Variants in ANKRD55 observed in about 807,000 individuals in gnomAD.
The protein encoded by ANKRD55 is ankyrin repeat domain-containing protein 55.
A neutral mutation model predicts 60.6 loss-of-function variants in ANKRD55; 41 were observed. The observed-to-expected ratio is 0.68, with a 90% CI of 0.53 to 0.88. ANKRD55 has a LOEUF of 0.88. ANKRD55 is among the 40% of genes least tolerant of loss of function. The probability of loss-of-function intolerance (pLI) is 0.00; values close to 1 mark genes in which losing one functional copy is unlikely to be tolerated. For synonymous variants in ANKRD55, 264 were observed against 290.3 expected (o/e 0.91, Z 0.92); for missense variants, 732 against 767.6 (o/e 0.95, Z 0.55).
At chr5:56,132,473 C>T (rs1477314156) in intron 7 of ANKRD55, among the ~76,000 whole-genome samples, 1 of 149,200 alleles carries the variant, frequency 6.7e-6, no homozygotes, top group Non-Finnish European at 1.5e-5. Context: ...CGCCTGTAGT[C>T]CCAACTACTC....
At chr5:56,116,553 T>G (rs1756892898) in intron 9 of ANKRD55, 62 bp downstream of exon 9, 3 of 1,363,034 alleles carry the variant, frequency 2.2e-6, no homozygotes, top group Non-Finnish European at 2.9e-6. Context: ...TTTAAAACAT[T>G]TCATCCAAAT....
intron 9 of ANKRD55, among the ~76,000 whole-genome samples, chr5:56,112,510 A>AAAAAAC (rs1554036583): frequency 4.3e-5 from 6 of 138,090 alleles, no homozygotes; most frequent in South Asian, 2.7e-4. Flanking sequence ...CTAGCAAAAA[A>AAAAAAC]AAAAAAAAAA....
chr5:56,130,206 G>T (rs1323939109), intron 7 of ANKRD55, among the ~76,000 whole-genome samples: 1 of 152,140 alleles, frequency 6.6e-6, no homozygotes, highest in African/African-American at 2.4e-5. Flanking sequence ...TAATATACCA[G>T]AGCACTCTGT....
In ANKRD55 at chr5:56,111,429, A is replaced by G; in HGVS notation, c.1319T>C (p.Ile440Thr). ...TGTTAGGAAGTTATTGCCCAGGGTG[A>G]TGGGTGGGAGACTCTGCGTTCTGAT... ...PPIRTQSLPP[I>T]TLGNNFLTAS... Residue 440 changes from isoleucine (I) to threonine (T), a missense_variant, in exon 10 of 12, where the codon ATC (isoleucine) becomes ACC (threonine). Ile to Thr is a moderately conservative substitution (Grantham distance 89). Coordinates refer to ENST00000341048, the MANE Select transcript of ANKRD55 (RefSeq NM_024669.3). 2 of 1,614,122 alleles carry G rather than the reference A, an allele frequency of 1.2e-6. No homozygotes were observed. Among genetic ancestry groups the G allele is most frequent in the Non-Finnish European group, 8.5e-7 (1 of 1,180,038 alleles).
rs779117058 is a variant in ANKRD55 at position 56,128,262 on chromosome 5, C to CT, written c.613-1157dup. On this transcript the variant is annotated intron_variant, in intron 7 of 11. Coordinates refer to ENST00000341048, the MANE Select transcript of ANKRD55 (RefSeq NM_024669.3). ...AAGGTGGTTCAAAGGCCAAAACACC[C>CT]TGTTCATAGTTTCCCCTCTTGGTAG... 2.1e-3 allele frequency among the ~76,000 whole-genome samples: 317 copies of CT among 152,318 alleles called. 1 individual carries two copies. The highest frequency in any genetic ancestry group is 1.1e-3 in the Non-Finnish European group (75 of 68,034).
Position 56,100,067 on chromosome 5 carries a change from G to A in ANKRD55, c.*116C>T. The stretch of plus-strand genomic sequence containing the variant: ...AAGAATTTCGAGTTATAAAACTGAT[G>A]GCTTATAGAATGCAGCTTACTAAAT... On this transcript the variant is annotated 3_prime_UTR_variant, in exon 12 of 12. Transcript: ENST00000341048. The A allele has an allele frequency of 7.4e-7, 1 of 1,355,644 alleles. No homozygotes were observed. The highest frequency in any genetic ancestry group is 1.8e-5 in the Admixed American group (1 of 55,008). 84.0% of individuals were successfully genotyped at this position (1,355,644 alleles called of 1,614,324 possible). A position where few individuals can be genotyped will look rare whatever the true frequency, so the allele number is the denominator to read the frequency against.
intron 7 of ANKRD55, among the ~76,000 whole-genome samples, chr5:56,143,141 A>G (rs1757814302): frequency 6.6e-6 from 1 of 152,230 alleles, no homozygotes; most frequent in African/African-American, 2.4e-5. Context: ...CTGAAGACAG[A>G]GACGGGCTGG....
At chr5:56,173,574 C>A (rs865954851) in intron 4 of ANKRD55, among the ~76,000 whole-genome samples, 3,450 of 97,082 alleles carry the variant, frequency 0.036, 75 homozygotes, top group African/African-American at 0.053. Context: ...CTCTCTCTCT[C>A]TCTCTCTCTA....
intron 2 of ANKRD55, 127 bp from the exon 3 acceptor site, chr5:56,183,761 G>T: frequency 8.1e-7 from 1 of 1,231,548 alleles, no homozygotes; most frequent in Non-Finnish European, 1.1e-6. Context: ...GCAGAAGTCT[G>T]GGTCATCCTG....
chr5:56,126,999 T>G lies in ANKRD55; in HGVS notation c.720A>C (p.Ala240=). ...CATGAATAATATCGCTGAAGCCCGC[T>G]GCCGCTGCGATATGTACACATGTCT... ...SGKTCVHIAA[A]AGFSDIIHEL... is the part of the protein sequence containing the mutation. Residue 240 remains alanine, a synonymous_variant, in exon 8 of 12, where the codon GCA becomes GCC. Transcript: ENST00000341048. 6.2e-7 allele frequency: 1 copy of G among 1,613,934 alleles called. No individual in the cohort carries two copies. Among genetic ancestry groups the G allele is most frequent in the Non-Finnish European group, 8.5e-7 (1 of 1,179,920 alleles).
At chr5:56,185,969 C>T (rs1261909316) in intron 2 of ANKRD55, among the ~76,000 whole-genome samples, 4 of 152,094 alleles carry the variant, frequency 2.6e-5, no homozygotes, top group African/African-American at 9.7e-5. Flanking sequence ...TTGTTGTTTT[C>T]GTTTGTTTGT....
chr5:56,143,877 T>A lies in ANKRD55; in HGVS notation c.536A>T (p.Gln179Leu). 1 of 1,614,150 alleles carries A rather than the reference T, an allele frequency of 6.2e-7. No homozygotes were observed. The highest frequency in any genetic ancestry group is 2.2e-5 in the East Asian group (1 of 44,884). The part of the protein sequence containing the change: ...AAFHNQPQHT[Q>L]MLLKKGADPT... ...GTCTGCCCCCTTCTTCAGCAGCATT[T>A]GTGTGTGTTGAGGCTGGTTGTGGAA... The change falls in exon 7 of 12, where the codon CAA becomes CTA. Residue 179 changes from glutamine (Q) to leucine (L), a missense_variant. Physicochemically the swap from Gln to Leu is moderately radical, Grantham distance 113. Transcript: ENST00000341048.
At chr5:56,210,708 C>A (rs1032100184) in intron 2 of ANKRD55, among the ~76,000 whole-genome samples, 2 of 151,922 alleles carry the variant, frequency 1.3e-5, no homozygotes, top group African/African-American at 4.8e-5. Context: ...ATCTTTTCAG[C>A]ATTTATATAG....
chr5:56,105,252 A>G (rs1580933492), intron 10 of ANKRD55, among the ~76,000 whole-genome samples: 1 of 152,156 alleles, frequency 6.6e-6, no homozygotes, highest in East Asian at 1.9e-4. Flanking sequence ...ACACCAGGCT[A>G]ATTTTTGTAT....
chr5:56,143,861 C>A lies in ANKRD55; in HGVS notation c.552G>T (p.Lys184Asn). 1 of 1,614,178 alleles carries A rather than the reference C, an allele frequency of 6.2e-7. No individual in the cohort carries two copies. Among genetic ancestry groups the A allele is most frequent in the Non-Finnish European group, 8.5e-7 (1 of 1,180,040 alleles). Residue 184 changes from lysine to asparagine, a missense_variant, in exon 7 of 12, where the codon AAG becomes AAT. Transcript: ENST00000341048. Reference protein sequence around the residue: ...QPQHTQMLLKKGADPTLVDKD... With the variant: ...QPQHTQMLLKNGADPTLVDKD... ...TATCCACAAGGGTGGGGTCTGCCCC[C>A]TTCTTCAGCAGCATTTGTGTGTGTT...
chr5:56,176,301 A>G lies in ANKRD55; in HGVS notation c.182-19T>C, dbSNP rs1758738748. 5.6e-6 allele frequency: 9 copies of G among 1,614,132 alleles called. No homozygotes were observed. The highest frequency in any genetic ancestry group is 6.8e-6 in the Non-Finnish European group (8 of 1,180,002). ...GTGCATCCTGGAATGAGACATTTCA[A>G]CAGCCTTTAAACATGTGTGACCCAT... is the stretch of plus-strand genomic sequence containing the variant. On this transcript the variant is annotated intron_variant, in intron 3 of 11. Coordinates refer to ENST00000341048, the MANE Select transcript of ANKRD55 (RefSeq NM_024669.3).
intron 5 of ANKRD55, among the ~76,000 whole-genome samples, chr5:56,161,525 C>G (rs1028059903): frequency 6.6e-6 from 1 of 152,192 alleles, no homozygotes; most frequent in Admixed American, 6.5e-5. Context: ...ATCATATTGC[C>G]TTAGCAGTAA....
intron 5 of ANKRD55, among the ~76,000 whole-genome samples, chr5:56,163,846 C>T (rs1371900350): frequency 1.3e-5 from 2 of 152,200 alleles, no homozygotes; most frequent in African/African-American, 4.8e-5. Context: ...AATCCCAGCA[C>T]TTTGGGAGAC....
Position 56,181,338 on chromosome 5 carries a change from A to AGTT in ANKRD55, c.181+2171_181+2173dup, listed in dbSNP as rs111805848. ...CCGTTAAGTAAAACCTTAGCTCTAGAGTTGTTGTTGTTGTTGTTGATACTC... is the reference window on the plus strand; with the variant it reads ...CCGTTAAGTAAAACCTTAGCTCTAGAGTTGTTGTTGTTGTTGTTGTTGATACTC... On this transcript the variant is annotated intron_variant, in intron 3 of 11. Coordinates refer to ENST00000341048, the MANE Select transcript of ANKRD55 (RefSeq NM_024669.3). Among the ~76,000 whole-genome samples, 17 of 152,034 alleles carry AGTT rather than the reference A, an allele frequency of 1.1e-4. No homozygotes were observed. In the South Asian group the frequency reaches 2.9e-3, roughly 26 times the overall value.
Sources: gnomAD v4.1 joint callset for allele counts (sites outside exome capture counted in the v4.1 genomes callset) on GRCh38, gnomAD v4.1.1 for gene constraint, MANE v1.5 for transcripts, NCBI Gene and HGNC (gene_info 2026-07-23, HGNC 2026-07-21) for gene names.